BTBD18: variants seen among roughly 807,000 people sequenced by gnomAD.
BTBD18 encodes BTB/POZ domain-containing protein 18.
For synonymous variants in BTBD18, 311 were observed against 324.4 expected, an observed-to-expected ratio of 0.96 and a Z score of 0.44; for missense variants, 787 against 846.3, an observed-to-expected ratio of 0.93 and a Z score of 0.87.
Position 57,744,251 on chromosome 11 carries a change from C to T in BTBD18, c.2022G>A (p.Glu674=). The part of the protein sequence containing the change: ...LLGSLPASSE[E]EEIDVVDWTA... ...TCCAGTCCACCACATCAATCTCTTC[C>T]TCTTCAGAGCTGGCAGGAAGTGAGC... Residue 674 remains glutamate (E), a synonymous_variant, in exon 3 of 3, where the codon GAG becomes GAA. Coordinates refer to ENST00000422652, the MANE Select transcript of BTBD18 (RefSeq NM_001145101.3). The T allele has an allele frequency of 6.4e-7, 1 of 1,551,754 alleles. No individual in the cohort carries two copies. Among genetic ancestry groups the T allele is most frequent in the Non-Finnish European group, 8.7e-7 (1 of 1,147,010 alleles).
upstream of BTBD18, among the ~76,000 whole-genome samples, chr11:57,753,052 A>G (rs1391042016): frequency 6.6e-6 from 1 of 152,234 alleles, no homozygotes; most frequent in African/African-American, 2.4e-5. Flanking sequence ...GGGCTTCAGC[A>G]CCCACATGCA....
intron 2 of BTBD18, among the ~76,000 whole-genome samples, chr11:57,750,048 G>C (rs1949275109): frequency 1.3e-5 from 2 of 152,064 alleles, no homozygotes; most frequent in African/African-American, 4.8e-5. Context: ...TTTAGTTCTA[G>C]CAACAAACAA....
Position 57,751,193 on chromosome 11 carries a change from G to T in BTBD18, c.-5C>A. 1 of 1,535,938 alleles carries T rather than the reference G, an allele frequency of 6.5e-7. No homozygotes were observed. Among genetic ancestry groups the T allele is most frequent in the Non-Finnish European group, 8.8e-7 (1 of 1,141,360 alleles). ...GGGACTGGCAGGAGAGCACATGTTG[G>T]CAAGAGTCTTAACAAACCTTCTAGG... On this transcript the variant is annotated 5_prime_UTR_variant, in exon 2 of 3. Coordinates refer to ENST00000422652, the MANE Select transcript of BTBD18 (RefSeq NM_001145101.3).
At chr11:57,746,268 G>C (rs1949188337) in intron 2 of BTBD18, 120 bp from the exon 3 acceptor site, 1 of 747,102 alleles carries the variant, frequency 1.3e-6, no homozygotes, top group African/African-American at 1.8e-5. Flanking sequence ...GGGACTTCAA[G>C]TAAAAGAAAA....
At chr11:57,753,074 T>C (rs1949349110), upstream of BTBD18, among the ~76,000 whole-genome samples, 2 of 152,264 alleles carry the variant, frequency 1.3e-5, no homozygotes, top group Admixed American at 6.5e-5. Context: ...TGGGTGGTAG[T>C]GATAGCGAGG....
At chr11:57,750,930 CA>C (rs1372713338) in intron 2 of BTBD18, 134 bp downstream of exon 2, 1 of 605,212 alleles carries the variant, frequency 1.7e-6, no homozygotes, top group Non-Finnish European at 2.5e-6. Flanking sequence ...TAGAAACAAA[CA>C]GCCCTTTACC....
intron 1 of BTBD18, 54 bp from the exon 2 acceptor site, chr11:57,751,290 G>A (rs1949302130): frequency 5.0e-6 from 5 of 1,009,378 alleles, no homozygotes; most frequent in Admixed American, 4.0e-5. Flanking sequence ...TTTGTTTTTT[G>A]TCTTTGAAAT....
intron 1 of BTBD18, 92 bp from the exon 2 acceptor site, chr11:57,751,328 A>T: frequency 1.6e-6 from 1 of 630,772 alleles, no homozygotes; most frequent in Non-Finnish European, 2.5e-6. Context: ...AGTGAGAGAT[A>T]ATAGTATGAG....
Position 57,751,072 on chromosome 11 carries a change from C to A in BTBD18, c.117G>T (p.Gln39His). 1 of 1,536,768 alleles carries A rather than the reference C, an allele frequency of 6.5e-7. No individual in the cohort carries two copies. The change falls in exon 2 of 3, where the codon CAG becomes CAT. Residue 39 changes from glutamine to histidine, a missense_variant. By Grantham distance (24) the Gln-to-His change is conservative (BLOSUM62 0). Coordinates refer to ENST00000422652, the MANE Select transcript of BTBD18 (RefSeq NM_001145101.3). The part of the protein sequence containing the change: ...QSDVFCDVLL[Q>H]AEGEAVPAHC... Reference sequence around the variant, plus strand: ...TTCCGACCACTCTCTTACCTTCTGCCTGCAGAAGGACATCACAGAACACAT... The same window carrying A: ...TTCCGACCACTCTCTTACCTTCTGCATGCAGAAGGACATCACAGAACACAT...
At chr11:57,747,475 C>G (rs1470325496) in intron 2 of BTBD18, among the ~76,000 whole-genome samples, 1 of 152,162 alleles carries the variant, frequency 6.6e-6, no homozygotes, top group East Asian at 1.9e-4. Context: ...CCCTCCTTTA[C>G]CCATCACATC....
At chr11:57,747,958 G>A (rs1949229532) in intron 2 of BTBD18, among the ~76,000 whole-genome samples, 1 of 152,128 alleles carries the variant, frequency 6.6e-6, no homozygotes, top group African/African-American at 2.4e-5. Flanking sequence ...TACCACCTCA[G>A]CCAGCTAATT....
intron 2 of BTBD18, among the ~76,000 whole-genome samples, chr11:57,748,658 A>G (rs1303077230): frequency 1.3e-5 from 2 of 152,112 alleles, no homozygotes; most frequent in Non-Finnish European, 2.9e-5. Flanking sequence ...TTAATAGCTC[A>G]TATTTTTATC....
At chr11:57,746,431 G>A (rs1272321524) in intron 2 of BTBD18, among the ~76,000 whole-genome samples, 1 of 151,022 alleles carries the variant, frequency 6.6e-6, no homozygotes, top group Admixed American at 6.6e-5. Flanking sequence ...CCGGGTTCAA[G>A]CAATTCTCCT....
In BTBD18 at chr11:57,744,280, G is replaced by A; in HGVS notation, c.1993C>T (p.Leu665=). 1 of 1,551,686 alleles carries A rather than the reference G, an allele frequency of 6.4e-7. No individual in the cohort carries two copies. The highest frequency in any genetic ancestry group is 8.7e-7 in the Non-Finnish European group (1 of 1,146,984). The change falls in exon 3 of 3, where the codon CTA becomes TTA. Residue 665 remains leucine (L), a synonymous_variant. Coordinates refer to ENST00000422652, the MANE Select transcript of BTBD18 (RefSeq NM_001145101.3). ...TCAGAGCTGGCAGGAAGTGAGCCTA[G>A]TAGTTCAGAGTGACCAGATACCTCC... ...GKEVSGHSEL[L]GSLPASSEEE...
At chr11:57,750,004 TGTGAA>T (rs573132247) in intron 2 of BTBD18, among the ~76,000 whole-genome samples, 66 of 152,222 alleles carry the variant, frequency 4.3e-4, no homozygotes, top group Middle Eastern at 3.4e-3. Context: ...ACATTTCCAG[TGTGAA>T]GTGAAGGGGT....
intron 2 of BTBD18, among the ~76,000 whole-genome samples, chr11:57,749,809 C>T (rs1021367420): frequency 7.0e-6 from 1 of 143,854 alleles, no homozygotes; most frequent in Non-Finnish European, 1.5e-5. Context: ...AATCCACAAA[C>T]TGTAGAGTGG....
rs552754407 is a variant in BTBD18 at position 57,747,653 on chromosome 11, C to T, written c.125-1505G>A. ...CCTCAGCCTCCCAGTTGCCTGCCAC[C>T]GCGCCTGGCTAATTTTTGTATTTTT... On this transcript the variant is annotated intron_variant, in intron 2 of 2. Coordinates refer to ENST00000422652, the MANE Select transcript of BTBD18 (RefSeq NM_001145101.3). Among the ~76,000 whole-genome samples, 13 of 152,206 alleles carry T rather than the reference C, an allele frequency of 8.5e-5. No individual in the cohort carries two copies. The East Asian group carries it at 2.3e-3, about 27-fold the overall frequency.
At chr11:57,749,073 C>G (rs1949247201) in intron 2 of BTBD18, among the ~76,000 whole-genome samples, 2 of 152,270 alleles carry the variant, frequency 1.3e-5, no homozygotes, top group Non-Finnish European at 2.9e-5. Flanking sequence ...AGGGGTTATT[C>G]CAAGAAAAGT....
At chr11:57,750,944 A>T in intron 2 of BTBD18, 121 bp downstream of exon 2, 1 of 736,500 alleles carries the variant, frequency 1.4e-6, no homozygotes, top group Non-Finnish European at 2.0e-6. Flanking sequence ...CCTTTACCAA[A>T]TAGTTTACAG....
Sources: gnomAD v4.1 joint callset for allele counts (sites outside exome capture counted in the v4.1 genomes callset) on GRCh38, gnomAD v4.1.1 for gene constraint, MANE v1.5 for transcripts, NCBI Gene and HGNC (gene_info 2026-07-23, HGNC 2026-07-21) for gene names.